The following PHACTR3 variants were observed in gnomAD, a reference collection of about 807,000 sequenced individuals.
PHACTR3 encodes protein phosphatase 1, regulatory subunit 123.
In PHACTR3, 16 loss-of-function variants were observed where a neutral mutation model predicts 66.8. That is an observed-to-expected ratio of 0.24 (90% CI 0.16 to 0.36). PHACTR3 has a LOEUF of 0.36. PHACTR3 is among the 10% of genes least tolerant of loss of function. The pLI, the probability that PHACTR3 is intolerant of heterozygous loss-of-function variation, is 1.00. For missense variants in PHACTR3, 647 were observed against 719.9 expected, an observed-to-expected ratio of 0.90 and a Z score of 1.16; for synonymous variants, 323 against 292.1, an observed-to-expected ratio of 1.11 and a Z score of -1.08.
intron 1 of PHACTR3, among the ~76,000 whole-genome samples, chr20:59,578,338 A>G (rs1294306185): frequency 2.0e-5 from 3 of 152,210 alleles, no homozygotes; most frequent in African/African-American, 7.2e-5. Flanking sequence ...GGTGTCCAGC[A>G]GGCAGAGCCC....
intron 4 of PHACTR3, among the ~76,000 whole-genome samples, chr20:59,764,477 T>A (rs17732400): frequency 1.3e-5 from 2 of 152,144 alleles, no homozygotes; most frequent in East Asian, 3.8e-4. Flanking sequence ...GGCCTTTCCA[T>A]ACTTGTAGTG....
At chr20:59,718,916 A>C (rs773534810) in intron 1 of PHACTR3, among the ~76,000 whole-genome samples, 7 of 152,252 alleles carry the variant, frequency 4.6e-5, no homozygotes, top group Non-Finnish European at 1.0e-4. Context: ...TGTCACCAGA[A>C]AGCGTCTCTG....
intron 1 of PHACTR3, among the ~76,000 whole-genome samples, chr20:59,660,055 G>A (rs1003349450): frequency 6.6e-6 from 1 of 152,150 alleles, no homozygotes; most frequent in African/African-American, 2.4e-5. Context: ...TCCCAGGATA[G>A]ATTTCTCTTG....
intron 10 of PHACTR3, 60 bp from the exon 11 acceptor site, chr20:59,841,335 A>G: frequency 6.5e-7 from 1 of 1,530,566 alleles, no homozygotes; most frequent in Non-Finnish European, 8.9e-7. Flanking sequence ...GTTTGTTCAG[A>G]GTACTTCAAA....
intron 7 of PHACTR3, 146 bp from the exon 8 acceptor site, chr20:59,805,895 C>T (rs977472372): frequency 3.4e-5 from 28 of 830,484 alleles, no homozygotes; most frequent in South Asian, 2.3e-4. Flanking sequence ...AGCTGGCGAG[C>T]GTGTGTCCTC....
chr20:59,827,340 T>C (rs1311612762), intron 8 of PHACTR3, among the ~76,000 whole-genome samples: 1 of 152,062 alleles, frequency 6.6e-6, no homozygotes, highest in Non-Finnish European at 1.5e-5. Flanking sequence ...CTGTTCCTGG[T>C]GCAGAGGGTG....
At chr20:59,819,813 G>A (rs1302559750) in intron 8 of PHACTR3, among the ~76,000 whole-genome samples, 2 of 152,000 alleles carry the variant, frequency 1.3e-5, no homozygotes, top group Non-Finnish European at 2.9e-5. Flanking sequence ...TGCTGTCCCG[G>A]TACTGGCCAC....
intron 1 of PHACTR3, among the ~76,000 whole-genome samples, chr20:59,616,973 G>A (rs1226419408): frequency 1.3e-5 from 2 of 152,064 alleles, no homozygotes; most frequent in Non-Finnish European, 2.9e-5. Flanking sequence ...TTCCCCGTTG[G>A]GAGTCTAATA....
In PHACTR3 at chr20:59,782,006, A is replaced by G. The variant is rs753852135; in HGVS notation, c.1174+7516A>G. On this transcript the variant is annotated intron_variant, in intron 7 of 12. Coordinates refer to ENST00000371015, the MANE Select transcript of PHACTR3 (RefSeq NM_080672.5). ...CCTTGCTATGTATTCAGCAAGTACT[A>G]TATGTCCCAATCTAGGCCTCAAGGA... 4.6e-5 allele frequency among the ~76,000 whole-genome samples: 7 copies of G among 152,150 alleles called. No individual in the cohort carries two copies. In the South Asian group the frequency reaches 1.5e-3, roughly 32 times the overall value.
At chr20:59,670,612 G>GT (rs1568692724) in intron 1 of PHACTR3, among the ~76,000 whole-genome samples, 6 of 135,408 alleles carry the variant, frequency 4.4e-5, no homozygotes, top group African/African-American at 1.6e-4. Flanking sequence ...GGGTGGGGGG[G>GT]GGGGGCAGGC....
chr20:59,765,510 A>G (rs895468411), intron 4 of PHACTR3, among the ~76,000 whole-genome samples: 1 of 152,148 alleles, frequency 6.6e-6, no homozygotes, highest in African/African-American at 2.4e-5. Flanking sequence ...TTCTCCAGGC[A>G]TTAGGAGGGC....
intron 9 of PHACTR3, among the ~76,000 whole-genome samples, chr20:59,839,048 A>G (rs1006265220): frequency 5.3e-5 from 8 of 152,160 alleles, no homozygotes; most frequent in Non-Finnish European, 1.2e-4. Context: ...TAAAAAAAAA[A>G]AAAAGATCTG....
intron 1 of PHACTR3, among the ~76,000 whole-genome samples, chr20:59,717,320 A>G (rs935962049): frequency 6.6e-6 from 1 of 152,244 alleles, no homozygotes. Context: ...CAGCTATGAC[A>G]AATGGCAGGG....
intron 8 of PHACTR3, among the ~76,000 whole-genome samples, chr20:59,818,992 G>T (rs2041958864): frequency 6.6e-6 from 1 of 152,132 alleles, no homozygotes. Context: ...CGGGGAACTT[G>T]GGCTCTCAAT....
chr20:59,660,271 G>A (rs1270168853), intron 1 of PHACTR3, among the ~76,000 whole-genome samples: 1 of 152,210 alleles, frequency 6.6e-6, no homozygotes, highest in Non-Finnish European at 1.5e-5. Flanking sequence ...GAGGTGGGCA[G>A]ATCACGAGGT....
Position 59,736,673 on chromosome 20 carries a change from G to A in PHACTR3, c.119-6434G>A, listed in dbSNP as rs2038958391. Among the ~76,000 whole-genome samples the A allele has an allele frequency of 6.6e-6, 1 of 152,174 alleles. No homozygotes were observed. Among genetic ancestry groups the A allele is most frequent in the Admixed American group, 6.5e-5 (1 of 15,284 alleles). On this transcript the variant is annotated intron_variant, in intron 1 of 12. Coordinates refer to ENST00000371015, the MANE Select transcript of PHACTR3 (RefSeq NM_080672.5). This position sits in a 1 kb window ranked among gnomAD's most constrained non-coding sequence, Gnocchi z 4.6. ...CCGCAGGCCACACCGTGCCGTGGATGACCACACCTGCCCCGCTGTACACCT... is the reference window on the plus strand; with the variant it reads ...CCGCAGGCCACACCGTGCCGTGGATAACCACACCTGCCCCGCTGTACACCT...
intron 1 of PHACTR3, among the ~76,000 whole-genome samples, chr20:59,619,788 A>C (rs2034169297): frequency 6.6e-6 from 1 of 152,206 alleles, no homozygotes; most frequent in Non-Finnish European, 1.5e-5. Flanking sequence ...TCAGGTTCAG[A>C]GAGGTGAAGG....
At chr20:59,762,402 C>T (rs1316312723) in intron 4 of PHACTR3, among the ~76,000 whole-genome samples, 2 of 152,242 alleles carry the variant, frequency 1.3e-5, no homozygotes, top group Admixed American at 6.5e-5. Context: ...GCAGTAGCCA[C>T]TAGCCATGTG....
intron 1 of PHACTR3, among the ~76,000 whole-genome samples, chr20:59,697,698 G>C (rs1027819227): frequency 3.3e-5 from 5 of 152,120 alleles, no homozygotes; most frequent in Admixed American, 6.5e-5. Flanking sequence ...GAGGAAAAAA[G>C]AACAAGCAGG....
Sources: gnomAD v4.1 joint callset for allele counts (sites outside exome capture counted in the v4.1 genomes callset) on GRCh38, gnomAD v4.1.1 for gene constraint, Gnocchi (gnomAD v3.1) non-coding constraint, MANE v1.5 for transcripts, NCBI Gene and HGNC (gene_info 2026-07-23, HGNC 2026-07-21) for gene names.